Variants in ADCY6 observed in about 807,000 individuals in gnomAD.
ADCY6 encodes adenylate cyclase type 6.
A neutral mutation model predicts 111.6 loss-of-function variants in ADCY6; 59 were observed. The observed-to-expected ratio is 0.53, with a 90% CI of 0.43 to 0.66. The LOEUF is 0.66. Among genes scored for constraint, ADCY6 ranks in the 30% least tolerant of loss-of-function variants. The pLI is 0.00. For synonymous variants in ADCY6, 576 were observed against 642.9 expected, an observed-to-expected ratio of 0.90 and a Z score of 1.57; for missense variants, 1,242 against 1,595.6, an observed-to-expected ratio of 0.78 and a Z score of 3.78.
rs763615285 is a variant in ADCY6 at position 48,772,405 on chromosome 12, C to T, written c.2677G>A (p.Ala893Thr). The change falls in exon 18 of 22, where the codon GCC (alanine) becomes ACC (threonine). Residue 893 changes from alanine (A) to threonine (T), a missense_variant. By Grantham distance (58) the Ala-to-Thr change is moderately conservative. Around this residue, in one of 4 missense-constraint regions of ADCY6, gnomAD observed 245 missense variants for 371.3 expected, o/e 0.66. Coordinates refer to ENST00000357869, the MANE Select transcript of ADCY6 (RefSeq NM_015270.5). ...GLDCPAAGRV[A>T]LKYMTPVILL... is the part of the protein sequence containing the mutation. Reference sequence around the variant, plus strand: ...ATCACAGGGGTCATATATTTGAGGGCCACCCTCCCTGCAGCTGGACTAAGG... The same window carrying T: ...ATCACAGGGGTCATATATTTGAGGGTCACCCTCCCTGCAGCTGGACTAAGG... 2 of 1,614,140 alleles carry T rather than the reference C, an allele frequency of 1.2e-6. No individual in the cohort carries two copies. The highest frequency in any genetic ancestry group is 4.5e-5 in the East Asian group (2 of 44,880).
At position 48,776,400 on chromosome 12, in the gene ADCY6, TC is replaced by T. The variant is rs753958748; in HGVS notation, c.1535+27del. ...CCCTGGCTCTCCCACCTTGCCCCCATCCCCCCCACCTGGACCCCCCTACTCA... is the reference window on the plus strand; with the variant it reads ...CCCTGGCTCTCCCACCTTGCCCCCATCCCCCCACCTGGACCCCCCTACTCA... On this transcript the variant is annotated intron_variant, in intron 7 of 21. Transcript: ENST00000357869. The surrounding 1 kb of genome is among the most constrained non-coding windows in gnomAD (Gnocchi z 6.1). 7.6e-6 allele frequency: 9 copies of T among 1,181,158 alleles called. No homozygotes were observed. The highest frequency in any genetic ancestry group is 2.1e-4 in the Middle Eastern group (1 of 4,782). 73.2% of individuals were successfully genotyped at this position (1,181,158 alleles called of 1,614,324 possible). A position where few individuals can be genotyped will look rare whatever the true frequency, so the allele number is the denominator to read the frequency against.
Position 48,777,594 on chromosome 12 carries a change from A to T in ADCY6, c.1136+21T>A. On this transcript the variant is annotated intron_variant, in intron 4 of 21. Coordinates refer to ENST00000357869, the MANE Select transcript of ADCY6 (RefSeq NM_015270.5). The surrounding 1 kb of genome is among the most constrained non-coding windows in gnomAD (Gnocchi z 4.9). ...TTCCAGACCCCCCGCCCTGCTGGGCATCCTCCTACCCTCACCCTACCTGAC... is the reference window on the plus strand; with the variant it reads ...TTCCAGACCCCCCGCCCTGCTGGGCTTCCTCCTACCCTCACCCTACCTGAC... 1 of 1,613,170 alleles carries T rather than the reference A, an allele frequency of 6.2e-7. No homozygotes were observed. Among genetic ancestry groups the T allele is most frequent in the Non-Finnish European group, 8.5e-7 (1 of 1,179,984 alleles).
rs763610280 is a variant in ADCY6, at chr12:48,782,989, T to C, written c.446A>G (p.Gln149Arg). The change falls in exon 2 of 22, where the codon CAG (glutamine) becomes CGG (arginine). Residue 149 changes from glutamine to arginine, a missense_variant. This residue lies in a region of ADCY6 where 362 missense variants were observed against 377.2 expected (regional missense o/e 0.96). Coordinates refer to ENST00000357869, the MANE Select transcript of ADCY6 (RefSeq NM_015270.5). The surrounding 1 kb of genome is among the most constrained non-coding windows in gnomAD (Gnocchi z 4.3). Reference protein sequence around the residue: ...LYQRYFFQMNQSSLTLLMAVL... With the variant: ...LYQRYFFQMNRSSLTLLMAVL... ...CGCCATCAGCAGCGTCAGGCTGCTC[T>C]GGTTCATCTGGAAGAAGTACCGCTG... is the stretch of plus-strand genomic sequence containing the variant. The C allele has an allele frequency of 1.2e-5, 19 of 1,613,636 alleles. No homozygotes were observed. The South Asian group carries it at 1.2e-4, about 10-fold the overall frequency.
Position 48,778,411 on chromosome 12 carries a change from A to G in ADCY6, c.865-154T>C, listed in dbSNP as rs567353663. On this transcript the variant is annotated intron_variant, in intron 2 of 21. Coordinates refer to ENST00000357869, the MANE Select transcript of ADCY6 (RefSeq NM_015270.5). ...CAAGCCACTGCCACCCCTGCAATAT[A>G]TCTCTCCCATTACCCACAGGACCCC... The G allele has an allele frequency of 1.5e-5, 12 of 812,836 alleles. No individual in the cohort carries two copies. The East Asian group carries it at 2.7e-4, about 18-fold the overall frequency. 50.4% of individuals were successfully genotyped at this position (812,836 alleles called of 1,614,324 possible).
rs1426595133 is a variant in ADCY6, at chr12:48,771,538, T to C, written c.3051+172A>G. The C allele has an allele frequency of 9.1e-7, 1 of 1,092,928 alleles. No individual in the cohort carries two copies. The highest frequency in any genetic ancestry group is 1.3e-5 in the South Asian group (1 of 76,064). 67.7% of individuals were successfully genotyped at this position (1,092,928 alleles called of 1,614,324 possible). A position where few individuals can be genotyped will look rare whatever the true frequency, so the allele number is the denominator to read the frequency against. On this transcript the variant is annotated intron_variant, in intron 19 of 21. Coordinates refer to ENST00000357869, the MANE Select transcript of ADCY6 (RefSeq NM_015270.5). The surrounding 1 kb of genome is among the most constrained non-coding windows in gnomAD (Gnocchi z 4.3). Reference sequence around the variant, plus strand: ...CACTAGGGCTGACCCCCTTGCTGCCTCTGACACCTTCATGGGTTCTTGCCT... The same window carrying C: ...CACTAGGGCTGACCCCCTTGCTGCCCCTGACACCTTCATGGGTTCTTGCCT...
rs1363700486 is a variant in ADCY6, at chr12:48,778,198, A to G, written c.924T>C (p.Tyr308=). 1.2e-6 allele frequency: 2 copies of G among 1,614,022 alleles called. No individual in the cohort carries two copies. Among genetic ancestry groups the G allele is most frequent in the Non-Finnish European group, 1.7e-6 (2 of 1,180,038 alleles). ...CCTGGCGCTGAGACACCTCTGCTGG[A>G]TAGTGTGTGCAGATGCCAATGACGT... The part of the protein sequence containing the change: ...CTNVIGICTH[Y]PAEVSQRQAF... Residue 308 remains tyrosine (Y), a synonymous_variant, in exon 3 of 22, where the codon TAT becomes TAC. Transcript: ENST00000357869.
At chr12:48,774,637 C>G in intron 13 of ADCY6, 54 bp downstream of exon 13, 1 of 1,592,736 alleles carries the variant, frequency 6.3e-7, no homozygotes. Flanking sequence ...GACCTCCTCC[C>G]TGTCTGGAGT....
Position 48,783,086 on chromosome 12 carries a change from A to T in ADCY6, c.349T>A (p.Ser117Thr), listed in dbSNP as rs1309885232. 6.2e-7 allele frequency: 1 copy of T among 1,612,198 alleles called. No homozygotes were observed. The highest frequency in any genetic ancestry group is 1.3e-5 in the African/African-American group (1 of 74,922). ...APDAVPRSGR[S>T]CWRRLVQVFQ... Reference sequence around the variant, plus strand: ...ACCTGCACCAGACGGCGCCAGCAGGATCGCCCACTCCTGGGCACCGCGTCG... The same window carrying T: ...ACCTGCACCAGACGGCGCCAGCAGGTTCGCCCACTCCTGGGCACCGCGTCG... The change falls in exon 2 of 22, where the codon TCC (serine) becomes ACC (threonine). Residue 117 changes from serine (S) to threonine (T), a missense_variant. Physicochemically the swap from Ser to Thr is moderately conservative, Grantham distance 58 (BLOSUM62 1). Coordinates refer to ENST00000357869, the MANE Select transcript of ADCY6 (RefSeq NM_015270.5).
Position 48,782,628 on chromosome 12 carries a change from G to A in ADCY6, c.807C>T (p.Thr269=). The A allele has an allele frequency of 6.2e-7, 1 of 1,610,884 alleles. No individual in the cohort carries two copies. Among genetic ancestry groups the A allele is most frequent in the Non-Finnish European group, 8.5e-7 (1 of 1,178,414 alleles). ...GTTGCCAGGCCAAGATCAAATGCAAGGTGGAGAGGCCCAGGCCGCTGAGGA... is the reference window on the plus strand; with the variant it reads ...GTTGCCAGGCCAAGATCAAATGCAAAGTGGAGAGGCCCAGGCCGCTGAGGA... The part of the protein sequence containing the change: ...AAVLSGLGLS[T]LHLILAWQLN... Residue 269 remains threonine, a synonymous_variant, in exon 2 of 22, where the codon ACC becomes ACT. Transcript: ENST00000357869. The surrounding 1 kb of genome is among the most constrained non-coding windows in gnomAD (Gnocchi z 4.3).
chr12:48,778,482 C>T (rs1221548835), intron 2 of ADCY6: 2 of 548,894 alleles, frequency 3.6e-6, no homozygotes, highest in Admixed American at 3.2e-5. Flanking sequence ...GAAATGAGAT[C>T]TTTTCACAGC....
rs757443077 is a variant in ADCY6, at chr12:48,783,165, G to A, written c.270C>T (p.Gly90=). The change falls in exon 2 of 22, where the codon GGC becomes GGT. Residue 90 remains glycine, a synonymous_variant. Transcript: ENST00000357869. ...TCGTTGTCACCTCGGTATCCTCGAA[G>A]CCCAGGGCCACTGCCCGCAGCCCCA... ...KELGLRAVAL[G]FEDTEVTTTA... 6.2e-7 allele frequency: 1 copy of A among 1,607,134 alleles called. No individual in the cohort carries two copies. Among genetic ancestry groups the A allele is most frequent in the South Asian group, 1.1e-5 (1 of 91,046 alleles).
Position 48,772,535 on chromosome 12 carries a change from G to A in ADCY6, c.2630C>T (p.Ser877Phe). 1 of 1,614,228 alleles carries A rather than the reference G, an allele frequency of 6.2e-7. No homozygotes were observed. The change falls in exon 17 of 22, where the codon TCC (serine) becomes TTC (phenylalanine). Residue 877 changes from serine to phenylalanine, a missense_variant. By Grantham distance (155) the Ser-to-Phe change is radical. Around this residue, in one of 4 missense-constraint regions of ADCY6, gnomAD observed 375 missense variants for 432.5 expected, o/e 0.87. Transcript: ENST00000357869. Reference protein sequence around the residue: ...LLLGVHGLASSNETFDGLDCP... With the variant: ...LLLGVHGLASFNETFDGLDCP... ...GTCCAGCCCATCAAAGGTCTCATTG[G>A]AAGAAGCCCTGGTAAGAAGATAGAA...
chr12:48,779,040 G>A, intron 2 of ADCY6, among the ~76,000 whole-genome samples: 1 of 151,710 alleles, frequency 6.6e-6, no homozygotes, highest in Non-Finnish European at 1.5e-5. Context: ...ACCATGACTG[G>A]CTAATTTTTG....
At chr12:48,783,631 A>G in intron 1 of ADCY6, 193 bp from the exon 2 acceptor site, 1 of 1,349,010 alleles carries the variant, frequency 7.4e-7, no homozygotes, top group East Asian at 2.5e-5. Context: ...TGAGAACCCA[A>G]GACACAGTCA....
intron 10 of ADCY6, 102 bp from the exon 11 acceptor site, chr12:48,775,552 CA>C (rs1261301019): frequency 2.7e-5 from 42 of 1,584,008 alleles, no homozygotes; most frequent in Admixed American, 1.3e-4. Context: ...GAGGGAGAGC[CA>C]GGGGGGTGGC....
At chr12:48,773,820 C>G (rs758703292) in intron 15 of ADCY6, 120 bp downstream of exon 15, 2 of 1,470,206 alleles carry the variant, frequency 1.4e-6, no homozygotes, top group Non-Finnish European at 1.8e-6. Flanking sequence ...CCTGGTTGCT[C>G]CTAGTGTGGG....
At chr12:48,772,258 A>G in intron 18 of ADCY6, 37 bp downstream of exon 18, 1 of 1,584,590 alleles carries the variant, frequency 6.3e-7, no homozygotes, top group Non-Finnish European at 8.6e-7. Flanking sequence ...CTCCGCCCCT[A>G]GGTTCCTCCT....
In ADCY6 at chr12:48,783,193, TCCTTGC is replaced by T; in HGVS notation, c.236_241del (p.Gly79_Lys80del). On this transcript the variant is annotated inframe_deletion, in exon 2 of 22. Transcript: ENST00000357869. ...CAGGGCCACTGCCCGCAGCCCCAGCTCCTTGCCCTTGCCTGGGCCGCCCCTCCGGAT... is the reference window on the plus strand; with the variant it reads ...CAGGGCCACTGCCCGCAGCCCCAGCTCCTTGCCTGGGCCGCCCCTCCGGAT... 1.2e-6 allele frequency: 2 copies of T among 1,607,022 alleles called. No homozygotes were observed. The highest frequency in any genetic ancestry group is 2.2e-5 in the South Asian group (2 of 91,056).
rs542244269 is a variant in ADCY6 at position 48,781,242 on chromosome 12, C to T, written c.864+1329G>A. ...ACAAAAAAAACAGGTAAGTTCTGTT[C>T]TGCAGCACAGGCTGGGTGGAGAAGG... On this transcript the variant is annotated intron_variant, in intron 2 of 21. Transcript: ENST00000357869. 2.6e-5 allele frequency among the ~76,000 whole-genome samples: 4 copies of T among 151,986 alleles called. No individual in the cohort carries two copies. The East Asian group carries it at 7.7e-4, about 29-fold the overall frequency.
Sources: allele counts gnomAD v4.1 joint callset (sites outside exome capture counted in the v4.1 genomes callset), GRCh38; gene constraint gnomAD v4.1.1; regional missense constraint gnomAD v4.1.1; non-coding constraint Gnocchi (gnomAD v3.1); transcripts MANE v1.5; gene names NCBI Gene and HGNC (gene_info 2026-07-23, HGNC 2026-07-21).